Variants in PDE1A observed in about 807,000 individuals in gnomAD.
The protein encoded by PDE1A is dual specificity calcium/calmodulin-dependent 3',5'-cyclic nucleotide phosphodiesterase 1A.
In PDE1A, 35 loss-of-function variants were observed where a neutral mutation model predicts 61.7. The ratio of observed to expected loss-of-function variants is 0.57; its 90% CI spans 0.43 to 0.75. The LOEUF (loss-of-function observed/expected upper bound fraction) is 0.75. Among genes scored for constraint, PDE1A ranks in the 30% least tolerant of loss-of-function variants. The pLI is 0.00. For missense variants in PDE1A, 597 were observed against 630.6 expected, an observed-to-expected ratio of 0.95 and a Z score of 0.57; for synonymous variants, 232 against 213.2, an observed-to-expected ratio of 1.09 and a Z score of -0.77.
In PDE1A at chr2:182,338,749, C is replaced by T. The variant is rs545119179; in HGVS notation, c.54-74335G>A. Among the ~76,000 whole-genome samples the T allele has an allele frequency of 7.2e-4, 109 of 152,234 alleles. No individual in the cohort carries two copies. In the Middle Eastern group the frequency reaches 0.01, roughly 14 times the overall value. ...ATATTGGCCAGGCTGGTCTCAAACT[C>T]CTCACCTCGTGATCTACCCGCCTCG... On this transcript the variant is annotated intron_variant, in intron 1 of 13. Coordinates refer to ENST00000351439, the Ensembl canonical transcript of PDE1A.
At chr2:182,292,893 A>G (rs1473448390) in intron 1 of PDE1A, among the ~76,000 whole-genome samples, 1 of 152,056 alleles carries the variant, frequency 6.6e-6, no homozygotes, top group Non-Finnish European at 1.5e-5. Flanking sequence ...TGTATATACT[A>G]TTTTGCAAAC....
chr2:182,610,714 A>T, the PDE1A span, among the ~76,000 whole-genome samples: 1 of 152,196 alleles, frequency 6.6e-6, no homozygotes, highest in Admixed American at 6.5e-5. Flanking sequence ...ATAGCTCAAA[A>T]TTGAATAGGA....
chr2:182,643,140 G>A, the PDE1A span, among the ~76,000 whole-genome samples: 15 of 152,134 alleles, frequency 9.9e-5, no homozygotes, highest in East Asian at 5.8e-4. Flanking sequence ...GGTCCTGGTC[G>A]TCAGGATCCT....
chr2:182,572,264 C>A, the PDE1A span, among the ~76,000 whole-genome samples: 3 of 152,140 alleles, frequency 2.0e-5, no homozygotes, highest in Non-Finnish European at 4.4e-5. Context: ...AGAGCTTTCA[C>A]TAAAGAAGAA....
the PDE1A span, among the ~76,000 whole-genome samples, chr2:182,544,585 C>T: frequency 6.6e-6 from 1 of 152,192 alleles, no homozygotes; most frequent in Non-Finnish European, 1.5e-5. Flanking sequence ...AAAGTGATGT[C>T]GTGGAGATAG....
chr2:182,494,502 T>C lies in PDE1A; in HGVS notation c.101+27774A>G, dbSNP rs1434507872. ...GACATGAGTAACTGTTTAAGAAACATACTGATGTCAGCATTGTGTCTTTTA... is the reference window on the plus strand; with the variant it reads ...GACATGAGTAACTGTTTAAGAAACACACTGATGTCAGCATTGTGTCTTTTA... On this transcript the variant is annotated intron_variant, in intron 2 of 14. Coordinates refer to the PDE1A transcript ENST00000410103. 3.3e-5 allele frequency among the ~76,000 whole-genome samples: 5 copies of C among 152,212 alleles called. No homozygotes were observed. In the East Asian group the frequency reaches 9.7e-4, roughly 29 times the overall value.
intron 1 of PDE1A, among the ~76,000 whole-genome samples, chr2:182,281,304 C>T (rs983670211): frequency 2.0e-5 from 3 of 151,732 alleles, no homozygotes; most frequent in African/African-American, 7.3e-5. Flanking sequence ...TTAAAATGTC[C>T]AGTGGAAAGA....
At chr2:182,153,478 G>A (rs1323337770) in intron 13 of PDE1A, among the ~76,000 whole-genome samples, 1 of 152,186 alleles carries the variant, frequency 6.6e-6, no homozygotes, top group Non-Finnish European at 1.5e-5. Flanking sequence ...CTCCATCAGA[G>A]TGTCATTCTT....
At chr2:182,149,177 T>C (rs1043323050) in intron 13 of PDE1A, among the ~76,000 whole-genome samples, 3 of 152,088 alleles carry the variant, frequency 2.0e-5, no homozygotes, top group African/African-American at 4.8e-5. Flanking sequence ...AAGAAAGAAA[T>C]AGAAGTAATT....
chr2:182,712,473 T>A, the PDE1A span, among the ~76,000 whole-genome samples: 1 of 152,328 alleles, frequency 6.6e-6, no homozygotes, highest in East Asian at 1.9e-4. Context: ...GACAAGAAGT[T>A]AACAACTTAC....
rs13402892 is a variant in PDE1A, at chr2:182,385,528, C to A, written c.53+41050G>T. Among the ~76,000 whole-genome samples the A allele has an allele frequency of 7.3e-3, 1,039 of 142,096 alleles. 8 individuals are homozygous for A. Among genetic ancestry groups the A allele is most frequent in the African/African-American group, 0.025 (958 of 38,454 alleles). 93.2% of individuals were successfully genotyped at this position (142,096 alleles called of 152,430 possible). On this transcript the variant is annotated intron_variant, in intron 1 of 13. Coordinates refer to ENST00000351439, the Ensembl canonical transcript of PDE1A. ...GATTTTTTGCAAGCTTCATGTTAAT[C>A]ACAAAGCAAAAATCTATAGTGGATA...
intron 1 of PDE1A, among the ~76,000 whole-genome samples, chr2:182,377,278 T>C (rs922593047): frequency 2.6e-5 from 4 of 152,080 alleles, no homozygotes; most frequent in Non-Finnish European, 5.9e-5. Flanking sequence ...TCTGGTGGAT[T>C]AGAAGTGTGC....
intron 2 of PDE1A, among the ~76,000 whole-genome samples, chr2:182,475,198 G>C (rs1388780211): frequency 2.0e-5 from 3 of 151,900 alleles, no homozygotes; most frequent in Non-Finnish European, 4.4e-5. Flanking sequence ...TGGACTTCAG[G>C]AATGGGATGT....
the PDE1A span, among the ~76,000 whole-genome samples, chr2:182,665,784 C>A: frequency 6.6e-6 from 1 of 152,162 alleles, no homozygotes; most frequent in Non-Finnish European, 1.5e-5. Context: ...TATTGCAGCA[C>A]TATTTACAAT....
chr2:182,692,233 C>T, the PDE1A span, among the ~76,000 whole-genome samples: 12 of 152,016 alleles, frequency 7.9e-5, no homozygotes, highest in East Asian at 9.7e-4. Context: ...ACGTTTATTG[C>T]GGCACTACTC....
At chr2:182,488,636 A>G (rs933871421) in intron 2 of PDE1A, among the ~76,000 whole-genome samples, 1 of 152,254 alleles carries the variant, frequency 6.6e-6, no homozygotes, top group Non-Finnish European at 1.5e-5. Flanking sequence ...ACAGTTTTTG[A>G]AAATTGTAAA....
the PDE1A span, among the ~76,000 whole-genome samples, chr2:182,533,886 C>T: frequency 1.3e-5 from 2 of 151,942 alleles, no homozygotes; most frequent in Non-Finnish European, 2.9e-5. Flanking sequence ...TCTTTCTGTG[C>T]ACTTTTCTAG....
intron 4 of PDE1A, among the ~76,000 whole-genome samples, chr2:182,231,921 G>A (rs909219536): frequency 2.0e-5 from 3 of 151,810 alleles, no homozygotes; most frequent in Non-Finnish European, 2.9e-5. Flanking sequence ...TCTCCAAAAA[G>A]AAAGAAAGAA....
intron 2 of PDE1A, among the ~76,000 whole-genome samples, chr2:182,255,244 T>G (rs865825099): frequency 1.4e-4 from 22 of 152,224 alleles, no homozygotes; most frequent in African/African-American, 5.1e-4. Context: ...GCCAATAAGT[T>G]AATCATTTGT....
Sources: gnomAD v4.1 joint callset for allele counts (sites outside exome capture counted in the v4.1 genomes callset) on GRCh38, gnomAD v4.1.1 for gene constraint, MANE v1.5 for transcripts, NCBI Gene and HGNC (gene_info 2026-07-23, HGNC 2026-07-21) for gene names.